The following PHIP variants were observed in gnomAD, a reference collection of about 807,000 sequenced individuals.
The protein encoded by PHIP is PH-interacting protein.
Under a neutral mutation model 236.8 loss-of-function variants are expected in PHIP, and 54 were observed. That is an observed-to-expected ratio of 0.23 (90% CI 0.18 to 0.29). The LOEUF (loss-of-function observed/expected upper bound fraction) is 0.29. Ranked by LOEUF, PHIP falls within the 10% of genes least tolerant of loss-of-function variation. PHIP has a pLI of 1.00. For missense variants in PHIP, 1,370 were observed against 2,190.8 expected, an observed-to-expected ratio of 0.63 and a Z score of 7.48; for synonymous variants, 756 against 718.9, an observed-to-expected ratio of 1.05 and a Z score of -0.83.
intron 4 of PHIP, among the ~76,000 whole-genome samples, chr6:79,065,698 T>C (rs1773586376): frequency 6.6e-6 from 1 of 151,970 alleles, no homozygotes; most frequent in African/African-American, 2.4e-5. Flanking sequence ...TGTAATTTAA[T>C]GTTTTTCTAC....
At chr6:79,041,223 C>A (rs1317571023) in intron 7 of PHIP, among the ~76,000 whole-genome samples, 2 of 152,034 alleles carry the variant, frequency 1.3e-5, no homozygotes, top group African/African-American at 2.4e-5. Context: ...TTTATAAGAA[C>A]AAGTGACAAA....
intron 6 of PHIP, among the ~76,000 whole-genome samples, chr6:79,043,901 T>C (rs1447488890): frequency 7.9e-5 from 12 of 151,870 alleles, no homozygotes; most frequent in Admixed American, 7.9e-4. Flanking sequence ...CGGTCGAATT[T>C]AGCCCTAAAG....
chr6:79,050,759 T>A (rs1195778957), intron 6 of PHIP, among the ~76,000 whole-genome samples: 2 of 152,296 alleles, frequency 1.3e-5, no homozygotes, highest in African/African-American at 2.4e-5. Context: ...GGAATTTAAA[T>A]TTATTTAATC....
chr6:78,964,451 T>C (rs1445543444), intron 29 of PHIP, among the ~76,000 whole-genome samples: 1 of 152,188 alleles, frequency 6.6e-6, no homozygotes. Context: ...TCCTTTTTGT[T>C]TTTTAAAGAT....
At chr6:78,989,182 A>G (rs1175542127) in intron 20 of PHIP, among the ~76,000 whole-genome samples, 1 of 152,352 alleles carries the variant, frequency 6.6e-6, no homozygotes, top group South Asian at 2.1e-4. Context: ...TGGGAGGCCA[A>G]TGTGGGAGAA....
chr6:78,941,438 C>T (rs1426052169), intron 39 of PHIP, 108 bp from the exon 40 acceptor site: 2 of 617,908 alleles, frequency 3.2e-6, no homozygotes, highest in Non-Finnish European at 5.4e-6. Flanking sequence ...TGACATAATC[C>T]AAATTATTTT....
At chr6:78,993,434 G>A (rs553581877) in intron 19 of PHIP, among the ~76,000 whole-genome samples, 1 of 152,326 alleles carries the variant, frequency 6.6e-6, no homozygotes, top group African/African-American at 2.4e-5. Context: ...CAGCTAGAGA[G>A]AAGTAAGGGC....
At chr6:79,039,278 T>C (rs929602706) in intron 7 of PHIP, among the ~76,000 whole-genome samples, 1 of 152,182 alleles carries the variant, frequency 6.6e-6, no homozygotes, top group Non-Finnish European at 1.5e-5. Flanking sequence ...ATGAGCCATA[T>C]TTATTCTATG....
At chr6:79,010,301 T>A (rs909478646) in intron 15 of PHIP, among the ~76,000 whole-genome samples, 6 of 151,812 alleles carry the variant, frequency 4.0e-5, no homozygotes, top group Admixed American at 6.6e-5. Flanking sequence ...AGTATGCATG[T>A]ACAAAAATTC....
chr6:79,045,090 C>T (rs988694203), intron 6 of PHIP, among the ~76,000 whole-genome samples: 1 of 152,144 alleles, frequency 6.6e-6, no homozygotes, highest in African/African-American at 2.4e-5. Context: ...TGCTTAGCTA[C>T]CAATTAACTA....
intron 15 of PHIP, among the ~76,000 whole-genome samples, chr6:79,004,582 G>A (rs975380832): frequency 1.3e-5 from 2 of 152,078 alleles, no homozygotes; most frequent in African/African-American, 2.4e-5. Flanking sequence ...TCTAGGGACT[G>A]AATTTCAGAA....
At chr6:78,942,605 T>C (rs1053799769) in intron 39 of PHIP, among the ~76,000 whole-genome samples, 1 of 152,202 alleles carries the variant, frequency 6.6e-6, no homozygotes, top group Non-Finnish European at 1.5e-5. Flanking sequence ...TGACTCTCTT[T>C]AGATTAGTGG....
At chr6:79,018,048 G>A (rs1770919578) in intron 10 of PHIP, among the ~76,000 whole-genome samples, 1 of 151,720 alleles carries the variant, frequency 6.6e-6, no homozygotes, top group Admixed American at 6.6e-5. Flanking sequence ...ACTTTGTTTT[G>A]TAGCATATTC....
chr6:78,934,739 T>G lies in PHIP; in HGVS notation c.*5954A>C, dbSNP rs1239520245. On this transcript the variant is annotated 3_prime_UTR_variant, in exon 40 of 40. Coordinates refer to ENST00000275034, the MANE Select transcript of PHIP (RefSeq NM_017934.7). ...ACCTCACAGATAATTTAATCAACCT[T>G]TAAAACTTTACAGATGAGGAAAATG... 1.3e-5 allele frequency among the ~76,000 whole-genome samples: 2 copies of G among 152,166 alleles called. No homozygotes were observed. Among genetic ancestry groups the G allele is most frequent in the African/African-American group, 2.4e-5 (1 of 41,434 alleles).
chr6:78,941,946 TGA>T (rs1773523631), intron 39 of PHIP, among the ~76,000 whole-genome samples: 1 of 152,164 alleles, frequency 6.6e-6, no homozygotes, highest in Non-Finnish European at 1.5e-5. Context: ...CTGGAGATGA[TGA>T]ATTACCTTTC....
chr6:78,970,722 T>G lies in PHIP; in HGVS notation c.2997+59A>C, dbSNP rs1582133421. The G allele has an allele frequency of 2.1e-5, 23 of 1,099,906 alleles. No homozygotes were observed. In the East Asian group the frequency reaches 5.5e-4, roughly 26 times the overall value. The allele number at this position is 1,099,906 out of a possible 1,614,324, so 68.1% of individuals were successfully genotyped here. On this transcript the variant is annotated intron_variant, in intron 25 of 39. Coordinates refer to ENST00000275034, the MANE Select transcript of PHIP (RefSeq NM_017934.7). Reference sequence around the variant, plus strand: ...TGTTAATAGTAACCTTTGATACAATTTTCTCCAAATTCCATAATTGTATTT... The same window carrying G: ...TGTTAATAGTAACCTTTGATACAATGTTCTCCAAATTCCATAATTGTATTT...
In PHIP at chr6:78,954,965, TG is replaced by T. The variant is rs1185520838; in HGVS notation, c.3904-3del. ...TAATCTTCTTCTAGGCTGATGGTCCTGTGATAAAAGTGTTCAAATATATTAA... is the reference window on the plus strand; with the variant it reads ...TAATCTTCTTCTAGGCTGATGGTCCTTGATAAAAGTGTTCAAATATATTAA... On this transcript the variant is annotated splice_polypyrimidine_tract_variant and splice_region_variant and intron_variant, in intron 34 of 39. Coordinates refer to ENST00000275034, the MANE Select transcript of PHIP (RefSeq NM_017934.7). 1.9e-6 allele frequency: 3 copies of T among 1,547,486 alleles called. No individual in the cohort carries two copies. Among genetic ancestry groups the T allele is most frequent in the African/African-American group, 1.4e-5 (1 of 71,200 alleles).
At chr6:79,044,156 G>A (rs1203481355) in intron 6 of PHIP, among the ~76,000 whole-genome samples, 1 of 151,848 alleles carries the variant, frequency 6.6e-6, no homozygotes, top group East Asian at 1.9e-4. Context: ...GCCTTTACAG[G>A]TTCCTAAGCA....
chr6:78,942,489 C>T (rs1296847351), intron 39 of PHIP, among the ~76,000 whole-genome samples: 1 of 151,936 alleles, frequency 6.6e-6, no homozygotes, highest in Non-Finnish European at 1.5e-5. Context: ...ATCTCAAAAA[C>T]AAAACAAAAC....
Sources: allele counts gnomAD v4.1 joint callset (sites outside exome capture counted in the v4.1 genomes callset), GRCh38; gene constraint gnomAD v4.1.1; transcripts MANE v1.5; gene names NCBI Gene and HGNC (gene_info 2026-07-23, HGNC 2026-07-21).